Variants in RELN observed in about 807,000 individuals in gnomAD.
The protein encoded by RELN is reelin.
A neutral mutation model predicts 427.6 loss-of-function variants in RELN; 108 were observed. That is an observed-to-expected ratio of 0.25 (90% CI 0.22 to 0.30). RELN has a LOEUF of 0.30. RELN is among the 10% of genes least tolerant of loss of function. The pLI is 1.00. For missense variants in RELN, 3,715 were observed against 4,302.8 expected (o/e 0.86, Z 3.82); for synonymous variants, 1,524 against 1,513.4 (o/e 1.01, Z -0.16).
chr7:103,535,192 T>G, intron 46 of RELN, 124 bp downstream of exon 46: 1 of 866,664 alleles, frequency 1.2e-6, no homozygotes, highest in East Asian at 2.6e-5. Flanking sequence ...AATTCATACA[T>G]GGCAATACCA....
intron 48 of RELN, among the ~76,000 whole-genome samples, chr7:103,520,565 C>T (rs1259225230): frequency 6.6e-6 from 1 of 152,062 alleles, no homozygotes; most frequent in Non-Finnish European, 1.5e-5. Context: ...CGTGAGCCAC[C>T]GCGCCTGTAA....
intron 47 of RELN, 55 bp downstream of exon 47, chr7:103,523,336 T>C (rs1829751746): frequency 6.2e-7 from 1 of 1,609,150 alleles, no homozygotes; most frequent in Non-Finnish European, 8.5e-7. Flanking sequence ...AAAAATCTCC[T>C]AGATGGAATG....
intron 2 of RELN, among the ~76,000 whole-genome samples, chr7:103,894,468 TA>T (rs76549437): frequency 6.6e-6 from 1 of 152,134 alleles, no homozygotes; most frequent in Non-Finnish European, 1.5e-5. Context: ...TTAGTCTAAA[TA>T]AAAAGTTGAA....
chr7:103,739,073 A>G (rs1225505325), intron 6 of RELN, among the ~76,000 whole-genome samples: 2 of 152,200 alleles, frequency 1.3e-5, no homozygotes, highest in Non-Finnish European at 2.9e-5. Context: ...GAATGTTAAT[A>G]GTATTCAATT....
At chr7:103,579,561 T>G (rs111281548) in intron 28 of RELN, among the ~76,000 whole-genome samples, 2 of 145,132 alleles carry the variant, frequency 1.4e-5, no homozygotes, top group African/African-American at 5.2e-5. Context: ...ATTGCGCCCC[T>G]GCACTCCGGT....
At chr7:103,652,435 A>G in intron 14 of RELN, 116 bp downstream of exon 14, 1 of 790,920 alleles carries the variant, frequency 1.3e-6, no homozygotes, top group Non-Finnish European at 2.1e-6. Context: ...TATTTCATCA[A>G]TGAGTATTTT....
rs532374495 is a variant in RELN at position 103,820,502 on chromosome 7, CTA to C, written c.473+13033_473+13034del. Among the ~76,000 whole-genome samples the C allele has an allele frequency of 1.5e-3, 232 of 151,276 alleles. 1 individual carries two copies. The highest frequency in any genetic ancestry group is 5.5e-3 in the African/African-American group (228 of 41,250). On this transcript the variant is annotated intron_variant, in intron 3 of 64. Transcript: ENST00000428762. ...GAAATTAGATGAAATCCCAAATATC[CTA>C]TGTGAGTATGTGCTATGCTTTTAAA...
At chr7:103,474,353 A>G (rs1226235186) in intron 64 of RELN, among the ~76,000 whole-genome samples, 3 of 152,188 alleles carry the variant, frequency 2.0e-5, no homozygotes, top group Non-Finnish European at 4.4e-5. Flanking sequence ...GCTAGATTTC[A>G]ATAATATCAA....
At chr7:103,921,194 C>A (rs1480732849) in intron 1 of RELN, among the ~76,000 whole-genome samples, 1 of 152,106 alleles carries the variant, frequency 6.6e-6, no homozygotes, top group Non-Finnish European at 1.5e-5. Flanking sequence ...GACATCCTGT[C>A]AATTCTAGCT....
Position 103,523,420 on chromosome 7 carries a change from G to T in RELN, c.7461C>A (p.Gly2487=). The T allele has an allele frequency of 6.2e-7, 1 of 1,614,094 alleles. No individual in the cohort carries two copies. ...IGDGCIDMCS[G]HGRCIQGNCV... ...AGTTTCCCTGGATGCATCTCCCATGGCCACTGCACATGTCTATGCAGCCAT... is the reference window on the plus strand; with the variant it reads ...AGTTTCCCTGGATGCATCTCCCATGTCCACTGCACATGTCTATGCAGCCAT... Residue 2487 remains glycine, a synonymous_variant, in exon 47 of 65, where the codon GGC becomes GGA. Coordinates refer to ENST00000428762, the MANE Select transcript of RELN (RefSeq NM_005045.4).
At chr7:103,484,292 A>G (rs1828347936) in intron 61 of RELN, 1 of 198,434 alleles carries the variant, frequency 5.0e-6, no homozygotes, top group Non-Finnish European at 1.0e-5. Context: ...TAGAAACAGA[A>G]GCAGCCAGTC....
chr7:103,719,489 C>A (rs1357798937), intron 8 of RELN, among the ~76,000 whole-genome samples: 4 of 152,270 alleles, frequency 2.6e-5, no homozygotes, highest in Non-Finnish European at 5.9e-5. Flanking sequence ...CCTTCTACTA[C>A]ATTGTTAAGT....
intron 6 of RELN, among the ~76,000 whole-genome samples, chr7:103,738,841 C>T (rs768249471): frequency 2.0e-5 from 3 of 151,858 alleles, no homozygotes; most frequent in Non-Finnish European, 4.4e-5. Context: ...TGCCATCATG[C>T]CCAGCTAATT....
In RELN at chr7:103,503,213, C is replaced by G; in HGVS notation, c.8292G>C (p.Lys2764Asn). Residue 2764 changes from lysine (K) to asparagine (N), a missense_variant, in exon 52 of 65, where the codon AAG becomes AAC. Physicochemically the swap from Lys to Asn is moderately conservative, Grantham distance 94. Coordinates refer to ENST00000428762, the MANE Select transcript of RELN (RefSeq NM_005045.4). Reference sequence around the variant, plus strand: ...GATTCTGGGCAATTTTTTCAGACACCTTACATCCAACTGAGATCTAATAAA... The same window carrying G: ...GATTCTGGGCAATTTTTTCAGACACGTTACATCCAACTGAGATCTAATAAA... ...IMQFKISVGC[K>N]VSEKIAQNQI... is the part of the protein sequence containing the mutation. 3.1e-6 allele frequency: 5 copies of G among 1,614,012 alleles called. No individual in the cohort carries two copies. The highest frequency in any genetic ancestry group is 4.2e-6 in the Non-Finnish European group (5 of 1,179,934).
intron 28 of RELN, among the ~76,000 whole-genome samples, chr7:103,576,154 C>T (rs1252566336): frequency 6.6e-6 from 1 of 152,144 alleles, no homozygotes; most frequent in African/African-American, 2.4e-5. Flanking sequence ...TTGCTTCAAC[C>T]AGGGAGGCAG....
chr7:103,555,200 T>C (rs1830496998), intron 38 of RELN, among the ~76,000 whole-genome samples: 1 of 152,146 alleles, frequency 6.6e-6, no homozygotes, highest in Non-Finnish European at 1.5e-5. Flanking sequence ...TAAAGCACTG[T>C]TTGGACTGAC....
intron 1 of RELN, among the ~76,000 whole-genome samples, chr7:103,946,567 A>G (rs887293981): frequency 5.3e-5 from 8 of 152,216 alleles, no homozygotes; most frequent in African/African-American, 1.9e-4. Context: ...TCAGAATATT[A>G]TGAATTAATC....
intron 6 of RELN, among the ~76,000 whole-genome samples, chr7:103,738,672 CTTTTTTTTTTTTTTTTTT>C (rs57390524): frequency 2.8e-5 from 2 of 70,522 alleles, no homozygotes; most frequent in East Asian, 4.1e-4. Flanking sequence ...TCCTTCCTTC[CTTTTTTTTTTTTTTTTTT>C]TTTTTTTTTT....
chr7:103,474,213 A>C (rs1827952374), intron 64 of RELN, among the ~76,000 whole-genome samples: 1 of 152,182 alleles, frequency 6.6e-6, no homozygotes, highest in Non-Finnish European at 1.5e-5. Context: ...TCTCAAAGGA[A>C]AAGACATAAA....
Sources: gnomAD v4.1 joint callset for allele counts (sites outside exome capture counted in the v4.1 genomes callset) on GRCh38, gnomAD v4.1.1 for gene constraint, MANE v1.5 for transcripts, NCBI Gene and HGNC (gene_info 2026-07-23, HGNC 2026-07-21) for gene names.